SHTN1: variants seen among roughly 807,000 people sequenced by gnomAD.
SHTN1 encodes the protein shootin-1.
Under a neutral mutation model 83.1 loss-of-function variants are expected in SHTN1, and 42 were observed. That is an observed-to-expected ratio of 0.51 (90% CI 0.39 to 0.65). The LOEUF (loss-of-function observed/expected upper bound fraction) is 0.65. SHTN1 is among the 30% of genes least tolerant of loss of function. The pLI is 0.00. For missense variants in SHTN1, 622 were observed against 737.8 expected (o/e 0.84, Z 1.82); for synonymous variants, 224 against 247.7 (o/e 0.90, Z 0.90).
At chr10:116,929,021 T>C (rs1373406286) in intron 10 of SHTN1, among the ~76,000 whole-genome samples, 1 of 152,202 alleles carries the variant, frequency 6.6e-6, no homozygotes, top group Non-Finnish European at 1.5e-5. Flanking sequence ...TACTTCTTAA[T>C]TTTGGATCAA....
chr10:117,004,981 G>A (rs767392209), intron 1 of SHTN1, 41 bp downstream of exon 1: 118 of 1,556,092 alleles, frequency 7.6e-5, no homozygotes, highest in East Asian at 1.2e-4. Flanking sequence ...CCCCGCCCAC[G>A]GGCCGCGGCT....
intron 1 of SHTN1, among the ~76,000 whole-genome samples, chr10:117,082,230 G>C (rs1438192950): frequency 1.1e-5 from 1 of 89,304 alleles, no homozygotes; most frequent in African/African-American, 3.8e-5. Context: ...ATTCTGGTAT[G>C]TTGTGTCTTT....
chr10:117,058,236 G>C (rs1156924355), intron 1 of SHTN1, among the ~76,000 whole-genome samples: 4 of 151,978 alleles, frequency 2.6e-5, no homozygotes, highest in Non-Finnish European at 1.5e-5. Flanking sequence ...GAATAAAAAG[G>C]CAACCCACAA....
chr10:117,119,492 A>C (rs1301910794), intron 1 of SHTN1, among the ~76,000 whole-genome samples: 1 of 152,256 alleles, frequency 6.6e-6, no homozygotes, highest in African/African-American at 2.4e-5. Context: ...AACTACAGTA[A>C]GATATCTCAC....
intron 1 of SHTN1, among the ~76,000 whole-genome samples, chr10:117,055,529 G>A (rs1459684887): frequency 6.6e-6 from 1 of 152,144 alleles, no homozygotes; most frequent in Non-Finnish European, 1.5e-5. Flanking sequence ...GGTGCTTGTT[G>A]CACAACACTG....
intron 1 of SHTN1, among the ~76,000 whole-genome samples, chr10:117,095,672 GA>G (rs1199048882): frequency 1.3e-5 from 2 of 151,958 alleles, no homozygotes; most frequent in Non-Finnish European, 2.9e-5. Flanking sequence ...TAGAATATCT[GA>G]AAAAAAGTTT....
intron 16 of SHTN1, among the ~76,000 whole-genome samples, chr10:116,892,716 G>C (rs969582707): frequency 6.6e-6 from 1 of 152,080 alleles, no homozygotes; most frequent in African/African-American, 2.4e-5. Context: ...ATATAATAAA[G>C]AATATTACAA....
chr10:116,925,188 G>A (rs1039858588), intron 11 of SHTN1, among the ~76,000 whole-genome samples: 9 of 152,184 alleles, frequency 5.9e-5, no homozygotes, highest in Non-Finnish European at 1.2e-4. Context: ...TGAGGATGTT[G>A]TGGATGACAT....
chr10:117,005,148 G>GAA lies in SHTN1; in HGVS notation c.-71_-70dup, dbSNP rs1313627820. 5.2e-6 allele frequency: 8 copies of GAA among 1,551,758 alleles called. No individual in the cohort carries two copies. The African/African-American group carries it at 1.1e-4, about 21-fold the overall frequency. ...GCGGGGCACACAGGAGGAGGGGGAA[G>GAA]AAAAAGCAAGATGCCGGTGGCTTGC... On this transcript the variant is annotated 5_prime_UTR_variant, in exon 1 of 17. Transcript: ENST00000355371.
chr10:116,960,083 A>G, intron 4 of SHTN1, 53 bp downstream of exon 4: 1 of 1,097,918 alleles, frequency 9.1e-7, no homozygotes, highest in Non-Finnish European at 1.4e-6. Context: ...CTGCTTAGAA[A>G]AGCAAGTTGA....
At chr10:116,994,973 T>A (rs1298699901) in intron 1 of SHTN1, among the ~76,000 whole-genome samples, 1 of 152,104 alleles carries the variant, frequency 6.6e-6, no homozygotes, top group Non-Finnish European at 1.5e-5. Context: ...ATGTTATTAA[T>A]GTGTTTCAAA....
chr10:116,943,986 G>A (rs1849480604), intron 8 of SHTN1, among the ~76,000 whole-genome samples: 1 of 152,156 alleles, frequency 6.6e-6, no homozygotes, highest in Non-Finnish European at 1.5e-5. Context: ...CGGAACAAGA[G>A]ATTCAAAGCT....
intron 1 of SHTN1, among the ~76,000 whole-genome samples, chr10:117,099,892 T>TA (rs1345869618): frequency 6.6e-6 from 1 of 152,024 alleles, no homozygotes; most frequent in African/African-American, 2.4e-5. Flanking sequence ...AAAGAGTAAA[T>TA]ACAGGCCAGG....
chr10:116,898,290 T>C (rs1478930507), intron 16 of SHTN1, among the ~76,000 whole-genome samples: 1 of 151,872 alleles, frequency 6.6e-6, no homozygotes, highest in Non-Finnish European at 1.5e-5. Flanking sequence ...ATCGTGCCAT[T>C]GTACTCCAGC....
intron 1 of SHTN1, among the ~76,000 whole-genome samples, chr10:116,998,435 G>C (rs189217279): frequency 6.6e-6 from 1 of 152,258 alleles, no homozygotes; most frequent in Non-Finnish European, 1.5e-5. Context: ...GAGAGAGAGA[G>C]AGACCACATT....
intron 2 of SHTN1, among the ~76,000 whole-genome samples, chr10:117,028,795 A>C (rs1852365563): frequency 6.6e-6 from 1 of 152,110 alleles, no homozygotes; most frequent in South Asian, 2.1e-4. Flanking sequence ...ATGCAGGAAA[A>C]AGCCTGGGTA....
chr10:117,004,170 A>G (rs1240105380), intron 1 of SHTN1, among the ~76,000 whole-genome samples: 7 of 152,112 alleles, frequency 4.6e-5, no homozygotes, highest in Admixed American at 2.6e-4. Flanking sequence ...TACAGGCGTG[A>G]GCCACCGCAC....
At chr10:116,983,691 CAT>C (rs1554924811) in intron 1 of SHTN1, among the ~76,000 whole-genome samples, 1 of 13,528 alleles carries the variant, frequency 7.4e-5, no homozygotes, top group African/African-American at 1.0e-4. Context: ...TAGATAAATA[CAT>C]ACATACATAC....
intron 1 of SHTN1, among the ~76,000 whole-genome samples, chr10:117,114,793 A>G (rs1291627628): frequency 3.3e-5 from 5 of 152,204 alleles, no homozygotes; most frequent in African/African-American, 1.2e-4. Flanking sequence ...AGAGGCGCCT[A>G]ACTGACTCCT....
Sources: allele counts gnomAD v4.1 joint callset (sites outside exome capture counted in the v4.1 genomes callset), GRCh38; gene constraint gnomAD v4.1.1; transcripts MANE v1.5; gene names NCBI Gene and HGNC (gene_info 2026-07-23, HGNC 2026-07-21).